The following DNAH10 variants were observed in gnomAD, a reference collection of about 807,000 sequenced individuals.
The protein encoded by DNAH10 is dynein axonemal heavy chain 10.
Under a neutral mutation model 506.6 loss-of-function variants are expected in DNAH10, and 348 were observed. That is an observed-to-expected ratio of 0.69 (90% confidence interval 0.63 to 0.75). The LOEUF (loss-of-function observed/expected upper bound fraction) is 0.75, where lower values mean the gene tolerates loss of function less well. DNAH10 is among the 30% of genes least tolerant of loss of function. The probability of loss-of-function intolerance (pLI) is 0.00; values close to 1 mark genes in which losing one functional copy is unlikely to be tolerated. For synonymous variants in DNAH10, 2,059 were observed against 2,198.6 expected (o/e 0.94, Z 1.78); for missense variants, 5,179 against 5,787.1 (o/e 0.89, Z 3.41).
chr12:123,879,422 G>A, intron 49 of DNAH10, 65 bp downstream of exon 49: 1 of 1,530,222 alleles, frequency 6.5e-7, no homozygotes, highest in East Asian at 2.5e-5. Flanking sequence ...CGCCAAAAGT[G>A]TTTTTTATAT....
At position 123,830,673 on chromosome 12, in the gene DNAH10, G is replaced by A; in HGVS notation, c.4519G>A (p.Ala1507Thr). 6.2e-7 allele frequency: 1 copy of A among 1,612,064 alleles called. No homozygotes were observed. The highest frequency in any genetic ancestry group is 8.5e-7 in the Non-Finnish European group (1 of 1,179,100). The change falls in exon 26 of 79, where the codon GCA becomes ACA. Residue 1507 changes from alanine to threonine, a missense_variant. Physicochemically the swap from Ala to Thr is moderately conservative, Grantham distance 58. Transcript: ENST00000673944. ...TDVLNEIVTA[A>T]IKEVAIEKAV... Reference sequence around the variant, plus strand: ...TGTTCTCAATGAGATTGTCACAGCAGCAATCAAGGAGGTTGCCATTGAGAA... The same window carrying A: ...TGTTCTCAATGAGATTGTCACAGCAACAATCAAGGAGGTTGCCATTGAGAA...
intron 30 of DNAH10, among the ~76,000 whole-genome samples, chr12:123,844,206 A>G (rs889416849): frequency 6.6e-6 from 1 of 152,170 alleles, no homozygotes; most frequent in Non-Finnish European, 1.5e-5. Context: ...GAACTCACTC[A>G]GTATCACGAG....
intron 38 of DNAH10, among the ~76,000 whole-genome samples, chr12:123,860,154 C>T (rs1951559574): frequency 1.3e-5 from 2 of 152,174 alleles, no homozygotes; most frequent in African/African-American, 2.4e-5. Flanking sequence ...GAAAGACCTC[C>T]GTGGATGCTG....
intron 16 of DNAH10, 27 bp from the exon 17 acceptor site, chr12:123,803,634 T>G (rs1565922404): frequency 6.6e-7 from 1 of 1,509,350 alleles, no homozygotes; most frequent in Non-Finnish European, 8.8e-7. Context: ...GGAAGCCAAA[T>G]GTCTTTCTTT....
chr12:123,935,332 C>G lies in DNAH10; in HGVS notation c.13624-3C>G, dbSNP rs1249763144. The G allele has an allele frequency of 9.4e-6, 15 of 1,599,860 alleles. No individual in the cohort carries two copies. The highest frequency in any genetic ancestry group is 1.3e-5 in the Non-Finnish European group (15 of 1,168,020). On this transcript the variant is annotated splice_region_variant and splice_polypyrimidine_tract_variant and intron_variant, in intron 78 of 78. Coordinates refer to ENST00000673944, the MANE Select transcript of DNAH10 (RefSeq NM_001372106.1). ...GGGCATCTCACCTGCCTTTCCCTTG[C>G]AGAATACTTTCCGGACCCCCGTCTA...
intron 52 of DNAH10, among the ~76,000 whole-genome samples, chr12:123,889,046 G>A (rs1594295522): frequency 6.6e-6 from 1 of 152,174 alleles, no homozygotes; most frequent in East Asian, 1.9e-4. Context: ...ACATAACAGT[G>A]AGGCTGAAAG....
chr12:123,810,286 C>T (rs939766771), intron 19 of DNAH10, among the ~76,000 whole-genome samples: 12 of 152,260 alleles, frequency 7.9e-5, no homozygotes, highest in Non-Finnish European at 1.0e-4. Flanking sequence ...TCTTCCTCTT[C>T]ACTTGGCTTG....
chr12:123,798,354 G>A (rs1040787189), intron 13 of DNAH10, among the ~76,000 whole-genome samples: 1 of 152,244 alleles, frequency 6.6e-6, no homozygotes, highest in Non-Finnish European at 1.5e-5. Context: ...GGAAGGCAAA[G>A]TGGGGGCAGG....
At chr12:123,914,281 G>A in intron 60 of DNAH10, 48 bp from the exon 61 acceptor site, 1 of 1,539,882 alleles carries the variant, frequency 6.5e-7, no homozygotes, top group Non-Finnish European at 8.8e-7. Context: ...CCTTTTGGTT[G>A]TGGCCAGAAG....
chr12:123,771,799 T>C, intron 3 of DNAH10, 101 bp downstream of exon 3: 2 of 1,032,402 alleles, frequency 1.9e-6, no homozygotes, highest in Non-Finnish European at 2.9e-6. Context: ...GGATTTATCA[T>C]GTTGGAATGG....
intron 24 of DNAH10, among the ~76,000 whole-genome samples, chr12:123,821,206 C>T (rs1012964890): frequency 3.3e-5 from 5 of 151,512 alleles, no homozygotes; most frequent in African/African-American, 4.9e-5. Flanking sequence ...GTCCAGATTG[C>T]GCCATTGCAC....
intron 66 of DNAH10, 30 bp downstream of exon 66, chr12:123,923,897 C>T: frequency 6.8e-7 from 1 of 1,466,482 alleles, no homozygotes; most frequent in African/African-American, 1.4e-5. Flanking sequence ...TCATTCCTCC[C>T]ATCTCCTTGC....
intron 21 of DNAH10, among the ~76,000 whole-genome samples, chr12:123,817,099 C>CTT (rs755698934): frequency 6.3e-4 from 55 of 87,010 alleles, no homozygotes; most frequent in African/African-American, 1.7e-3. Context: ...TCCAGTCTAA[C>CTT]TTTTTTTTTT....
At chr12:123,821,707 C>T (rs996991232) in intron 24 of DNAH10, among the ~76,000 whole-genome samples, 3 of 152,038 alleles carry the variant, frequency 2.0e-5, no homozygotes, top group African/African-American at 7.2e-5. Flanking sequence ...TAGAAAAGAA[C>T]TCTCTTTGGA....
Position 123,930,430 on chromosome 12 carries a change from G to T in DNAH10, c.12641G>T (p.Ser4214Ile). 1 of 1,591,814 alleles carries T rather than the reference G, an allele frequency of 6.3e-7. No homozygotes were observed. Among genetic ancestry groups the T allele is most frequent in the Non-Finnish European group, 8.5e-7 (1 of 1,172,446 alleles). Residue 4214 changes from serine (S) to isoleucine (I), a missense_variant, in exon 73 of 79, where the codon AGC becomes ATC. By Grantham distance (142) the Ser-to-Ile change is moderately radical (BLOSUM62 -2). Transcript: ENST00000673944. ...ATGTATGGAGGACGGGCCATCGACA[G>T]CTTTGATCGCCGCATCCTGACCATC... ...EVMYGGRAIDSFDRRILTIYM... is the reference protein window; with the variant it reads ...EVMYGGRAIDIFDRRILTIYM...
At chr12:123,781,856 C>T (rs1957666162) in intron 6 of DNAH10, among the ~76,000 whole-genome samples, 2 of 152,104 alleles carry the variant, frequency 1.3e-5, no homozygotes, top group Non-Finnish European at 2.9e-5. Context: ...TAATTTTTCT[C>T]CCCTCCCCCT....
chr12:123,872,424 C>CCTTGGGGT (rs1952071458), intron 45 of DNAH10, among the ~76,000 whole-genome samples: 1 of 152,144 alleles, frequency 6.6e-6, no homozygotes, highest in Non-Finnish European at 1.5e-5. Context: ...GAGCCTCCTT[C>CCTTGGGGT]ACAACACCCC....
intron 78 of DNAH10, among the ~76,000 whole-genome samples, 191 bp from the exon 79 acceptor site, chr12:123,935,144 A>C (rs2137794594): frequency 6.6e-6 from 1 of 152,312 alleles, no homozygotes; most frequent in Admixed American, 6.5e-5. Context: ...ACTTTTAACC[A>C]GGGTGTCAGT....
intron 13 of DNAH10, among the ~76,000 whole-genome samples, chr12:123,797,173 GTATT>G (rs954489830): frequency 6.6e-6 from 1 of 151,988 alleles, no homozygotes; most frequent in African/African-American, 2.4e-5. Flanking sequence ...ACCCGGCCCT[GTATT>G]TAATGTTTTA....
Sources: gnomAD v4.1 joint callset for allele counts (sites outside exome capture counted in the v4.1 genomes callset) on GRCh38, gnomAD v4.1.1 for gene constraint, MANE v1.5 for transcripts, NCBI Gene and HGNC (gene_info 2026-07-23, HGNC 2026-07-21) for gene names.